The following PLAAT3 variants were observed in gnomAD, a reference collection of about 807,000 sequenced individuals.
PLAAT3 encodes phospholipase A and acyltransferase 3, also known as Ca-independent phospholipase A1/2.
A neutral mutation model predicts 16.7 loss-of-function variants in PLAAT3; 21 were observed. The observed-to-expected ratio is 1.26, with a 90% confidence interval of 0.89 to 1.81. The LOEUF (loss-of-function observed/expected upper bound fraction) is 1.81. Among genes scored for constraint, PLAAT3 ranks in the 40% most tolerant of loss-of-function variants. PLAAT3 has a pLI of 0.00. For synonymous variants in PLAAT3, 76 were observed against 81.7 expected, an observed-to-expected ratio of 0.93 and a Z score of 0.38; for missense variants, 219 against 213.7, an observed-to-expected ratio of 1.02 and a Z score of -0.16.
At chr11:63,590,973 T>C (rs1049121863) in intron 3 of PLAAT3, among the ~76,000 whole-genome samples, 4 of 152,196 alleles carry the variant, frequency 2.6e-5, no homozygotes, top group African/African-American at 9.6e-5. Context: ...AGGTTCAACA[T>C]GAAGACCAGG....
chr11:63,589,734 AG>A (rs2134406507), intron 4 of PLAAT3, among the ~76,000 whole-genome samples: 1 of 152,326 alleles, frequency 6.6e-6, no homozygotes, highest in African/African-American at 2.4e-5. Context: ...GAATGGCTGT[AG>A]ACAAGTTACT....
intron 2 of PLAAT3, among the ~76,000 whole-genome samples, chr11:63,613,431 A>AATAAATAAAT (rs10658157): frequency 5.6e-4 from 83 of 147,936 alleles, no homozygotes; most frequent in South Asian, 5.0e-3. Flanking sequence ...AATAAAAATA[A>AATAAATAAAT]AAATAAATAA....
intron 4 of PLAAT3, among the ~76,000 whole-genome samples, chr11:63,583,370 T>C (rs551327307): frequency 6.6e-6 from 1 of 152,280 alleles, no homozygotes; most frequent in South Asian, 2.1e-4. Flanking sequence ...AGTCTGCAGA[T>C]AATGGAGGAG....
chr11:63,599,845 C>G (rs946057516), intron 2 of PLAAT3, among the ~76,000 whole-genome samples: 1 of 152,118 alleles, frequency 6.6e-6, no homozygotes, highest in Non-Finnish European at 1.5e-5. Flanking sequence ...CTGAGGGAGG[C>G]TGCAGGTTGG....
chr11:63,610,901 G>A (rs922003285), intron 2 of PLAAT3, among the ~76,000 whole-genome samples: 3 of 152,028 alleles, frequency 2.0e-5, no homozygotes, highest in African/African-American at 7.2e-5. Flanking sequence ...AATAATCACA[G>A]CAGGAGGCAT....
At chr11:63,602,141 T>C (rs1013462218) in intron 2 of PLAAT3, among the ~76,000 whole-genome samples, 2 of 151,576 alleles carry the variant, frequency 1.3e-5, no homozygotes, top group African/African-American at 4.9e-5. Flanking sequence ...AATACAAAAA[T>C]TAGCCAGGCG....
intron 2 of PLAAT3, chr11:63,598,860 G>A (rs1457050962): frequency 2.2e-5 from 9 of 410,008 alleles, no homozygotes; most frequent in Admixed American, 1.6e-4. Context: ...CACATTGAGT[G>A]AGTATGTGTG....
intron 2 of PLAAT3, 76 bp from the exon 3 acceptor site, chr11:63,598,239 C>T (rs1938343646): frequency 1.0e-6 from 1 of 976,416 alleles, no homozygotes; most frequent in Non-Finnish European, 1.6e-6. Context: ...GAGGAAGGTG[C>T]AGCTGAGTGG....
chr11:63,583,917 A>C (rs1293842606), intron 4 of PLAAT3, among the ~76,000 whole-genome samples: 1 of 152,222 alleles, frequency 6.6e-6, no homozygotes, highest in South Asian at 2.1e-4. Context: ...TCTGGAAAAA[A>C]GAAAGTGCTA....
intron 2 of PLAAT3, among the ~76,000 whole-genome samples, chr11:63,607,423 A>G (rs1938594389): frequency 6.6e-6 from 1 of 152,074 alleles, no homozygotes; most frequent in Admixed American, 6.6e-5. Flanking sequence ...GCTACTCAGG[A>G]GGCTGAGGCT....
At chr11:63,586,104 C>T (rs1249610060) in intron 4 of PLAAT3, among the ~76,000 whole-genome samples, 1 of 151,508 alleles carries the variant, frequency 6.6e-6, no homozygotes, top group African/African-American at 2.4e-5. Flanking sequence ...ATAGTCTCAG[C>T]TACTTGGGTG....
intron 3 of PLAAT3, among the ~76,000 whole-genome samples, chr11:63,597,263 G>A (rs576143321): frequency 3.3e-5 from 5 of 152,244 alleles, no homozygotes; most frequent in East Asian, 1.9e-4. Context: ...GGTGGCTCAC[G>A]CCTGCAATCC....
chr11:63,595,617 T>C (rs974634113), intron 3 of PLAAT3, among the ~76,000 whole-genome samples: 5 of 152,096 alleles, frequency 3.3e-5, no homozygotes, highest in Non-Finnish European at 5.9e-5. Flanking sequence ...AGGCATATTG[T>C]AGAAGCATGA....
intron 2 of PLAAT3, among the ~76,000 whole-genome samples, chr11:63,600,913 A>G (rs926569986): frequency 1.3e-5 from 2 of 151,832 alleles, no homozygotes; most frequent in Non-Finnish European, 2.9e-5. Context: ...CTACTCTTCT[A>G]CATCCTGAAT....
At chr11:63,601,396 T>TA (rs55867802) in intron 2 of PLAAT3, among the ~76,000 whole-genome samples, 3 of 50,604 alleles carry the variant, frequency 5.9e-5, no homozygotes, top group Non-Finnish European at 1.1e-4. Flanking sequence ...AAAGCTGTAA[T>TA]TTTTTTTTTT....
intron 4 of PLAAT3, among the ~76,000 whole-genome samples, chr11:63,589,321 T>C (rs1938071285): frequency 6.7e-6 from 1 of 150,106 alleles, no homozygotes; most frequent in South Asian, 2.1e-4. Flanking sequence ...GCCTGATGGA[T>C]CTTAAGCTAA....
At chr11:63,583,498 G>A (rs967296583) in intron 4 of PLAAT3, among the ~76,000 whole-genome samples, 10 of 152,216 alleles carry the variant, frequency 6.6e-5, no homozygotes, top group African/African-American at 2.4e-4. Context: ...ATTGTTTGTG[G>A]CCATGCTTTG....
chr11:63,615,044 A>ATATATATG (rs1938802077), upstream of PLAAT3, among the ~76,000 whole-genome samples: 1 of 20,544 alleles, frequency 4.9e-5, no homozygotes, highest in Admixed American at 1.1e-3. Context: ...ATATATATGT[A>ATATATATG]TATATATGTG....
At chr11:63,615,144 A>ATG (rs1565259759), upstream of PLAAT3, among the ~76,000 whole-genome samples, 1 of 86,594 alleles carries the variant, frequency 1.2e-5, no homozygotes, top group Non-Finnish European at 2.4e-5. Context: ...ATATGTGTAT[A>ATG]TGTGTGTATA....
Sources: gnomAD v4.1 joint callset for allele counts (sites outside exome capture counted in the v4.1 genomes callset) on GRCh38, gnomAD v4.1.1 for gene constraint, MANE v1.5 for transcripts, NCBI Gene and HGNC (gene_info 2026-07-23, HGNC 2026-07-21) for gene names.